CAST: variants seen among roughly 807,000 people sequenced by gnomAD.
The protein encoded by CAST is calpastatin, also known as MIR583 host.
CAST carries 76 observed loss-of-function variants against 119.6 expected under a neutral mutation model. The ratio of observed to expected loss-of-function variants is 0.64; its 90% CI spans 0.53 to 0.77. The LOEUF (loss-of-function observed/expected upper bound fraction) is 0.77. Among genes scored for constraint, CAST ranks in the 30% least tolerant of loss-of-function variants. The pLI is 0.00. For synonymous variants in CAST, 319 were observed against 331.6 expected (o/e 0.96, Z 0.41); for missense variants, 953 against 946.5 (o/e 1.01, Z -0.09).
the CAST span, among the ~76,000 whole-genome samples, chr5:96,078,806 A>T: frequency 6.6e-6 from 1 of 152,114 alleles, no homozygotes; most frequent in South Asian, 2.1e-4. Flanking sequence ...GGAGCTGGAA[A>T]CCATTATCCT....
the CAST span, among the ~76,000 whole-genome samples, chr5:96,339,215 A>G: frequency 6.6e-6 from 1 of 152,216 alleles, no homozygotes; most frequent in African/African-American, 2.4e-5. Flanking sequence ...AAGGCTTTTG[A>G]TAACATGCTA....
chr5:96,141,850 G>A, the CAST span, among the ~76,000 whole-genome samples: 2 of 152,276 alleles, frequency 1.3e-5, no homozygotes, highest in Middle Eastern at 6.8e-3. Flanking sequence ...CAGAGTGGAG[G>A]GGCGGCATGC....
At chr5:96,190,855 C>G in the CAST span, among the ~76,000 whole-genome samples, 1 of 152,090 alleles carries the variant, frequency 6.6e-6, no homozygotes. Flanking sequence ...ATGGTATCTG[C>G]TAGTTTTTCA....
At chr5:96,118,293 A>C in the CAST span, among the ~76,000 whole-genome samples, 1 of 152,164 alleles carries the variant, frequency 6.6e-6, no homozygotes, top group South Asian at 2.1e-4. Flanking sequence ...TGAGTAGGCA[A>C]AAAGCACTTT....
At chr5:96,192,994 G>T in the CAST span, among the ~76,000 whole-genome samples, 1 of 152,132 alleles carries the variant, frequency 6.6e-6, no homozygotes, top group African/African-American at 2.4e-5. Context: ...ACTCTTATAG[G>T]AGGTAGATAG....
the CAST span, among the ~76,000 whole-genome samples, chr5:96,165,678 T>C: frequency 6.6e-6 from 1 of 152,336 alleles, no homozygotes; most frequent in African/African-American, 2.4e-5. Context: ...GGCTTCTATA[T>C]TCATAGCCAA....
chr5:96,240,666 C>G, the CAST span, among the ~76,000 whole-genome samples: 1 of 151,448 alleles, frequency 6.6e-6, no homozygotes. Flanking sequence ...TGGGCTCAAG[C>G]AATTGTGGTG....
chr5:96,338,957 A>G, the CAST span, among the ~76,000 whole-genome samples: 6 of 152,180 alleles, frequency 3.9e-5, no homozygotes, highest in Non-Finnish European at 8.8e-5. Flanking sequence ...ACTGCCAGGC[A>G]TTGGCTCATG....
the CAST span, among the ~76,000 whole-genome samples, chr5:96,496,504 A>T: frequency 6.6e-6 from 1 of 152,256 alleles, no homozygotes; most frequent in Admixed American, 6.5e-5. Context: ...GGATAGGCTT[A>T]GACTCAAAAC....
At chr5:96,185,253 T>C in the CAST span, among the ~76,000 whole-genome samples, 20 of 152,344 alleles carry the variant, frequency 1.3e-4, no homozygotes, top group South Asian at 4.1e-3. Flanking sequence ...TATTAGACCT[T>C]CGTCAGATGA....
upstream of CAST, among the ~76,000 whole-genome samples, chr5:96,523,011 C>T (rs1172715723): frequency 2.6e-5 from 4 of 152,218 alleles, no homozygotes; most frequent in African/African-American, 7.2e-5. Flanking sequence ...TTTCTCCTGG[C>T]CCCTCCTCAC....
the CAST span, among the ~76,000 whole-genome samples, chr5:96,181,456 G>A: frequency 2.0e-5 from 3 of 152,136 alleles, no homozygotes; most frequent in African/African-American, 2.4e-5. Flanking sequence ...GCATCAAATG[G>A]TCTTGGAGAG....
the CAST span, among the ~76,000 whole-genome samples, chr5:96,286,506 A>C: frequency 6.6e-6 from 1 of 152,198 alleles, no homozygotes; most frequent in Non-Finnish European, 1.5e-5. Flanking sequence ...GAGGGGCAAG[A>C]TATGGACCGT....
At chr5:96,136,350 G>T in the CAST span, among the ~76,000 whole-genome samples, 2 of 133,402 alleles carry the variant, frequency 1.5e-5, no homozygotes, top group Non-Finnish European at 3.4e-5. Flanking sequence ...CACCTCTTTT[G>T]TTTTGTTTTG....
upstream of CAST, chr5:96,525,560 G>A (rs570121011): frequency 5.3e-5 from 8 of 152,202 alleles, no homozygotes; most frequent in Admixed American, 2.0e-4. Context: ...AGGCTGTTTC[G>A]AATCAGGCTT....
the CAST span, among the ~76,000 whole-genome samples, chr5:96,484,451 A>G: frequency 6.6e-6 from 1 of 152,214 alleles, no homozygotes; most frequent in Non-Finnish European, 1.5e-5. Flanking sequence ...CAGCAGAGGC[A>G]TCTGGAAGAT....
At chr5:96,770,739 G>A (rs574220899) in intron 30 of CAST, 137 bp downstream of exon 30, 87 of 588,158 alleles carry the variant, frequency 1.5e-4, no homozygotes, top group Admixed American at 7.5e-4. Flanking sequence ...CCATAGCATC[G>A]CTTGGTAAAG....
chr5:96,393,605 A>T, the CAST span, among the ~76,000 whole-genome samples: 1 of 152,170 alleles, frequency 6.6e-6, no homozygotes, highest in Non-Finnish European at 1.5e-5. Flanking sequence ...TTCACCTGTC[A>T]GGTGGAATAA....
At chr5:96,596,322 A>G (rs767851952) in intron 1 of CAST, among the ~76,000 whole-genome samples, 1 of 152,138 alleles carries the variant, frequency 6.6e-6, no homozygotes, top group Non-Finnish European at 1.5e-5. Flanking sequence ...TTGGAGAAGG[A>G]GGAAGTAACT....
Sources: gnomAD v4.1 joint callset for allele counts (sites outside exome capture counted in the v4.1 genomes callset) on GRCh38, gnomAD v4.1.1 for gene constraint, MANE v1.5 for transcripts, NCBI Gene and HGNC (gene_info 2026-07-23, HGNC 2026-07-21) for gene names.